Variants in CSGALNACT1 observed in about 807,000 individuals in gnomAD.
CSGALNACT1 encodes chondroitin sulfate N-acetylgalactosaminyltransferase 1.
In CSGALNACT1, 52 loss-of-function variants were observed where a neutral mutation model predicts 51.0. The ratio of observed to expected loss-of-function variants is 1.02; its 90% CI spans 0.82 to 1.29. The LOEUF (loss-of-function observed/expected upper bound fraction) is 1.29. Among genes scored for constraint, CSGALNACT1 ranks in the 50% most tolerant of loss-of-function variants. The probability of loss-of-function intolerance (pLI) is 0.00; values close to 1 mark genes in which losing one functional copy is unlikely to be tolerated. For missense variants in CSGALNACT1, 935 were observed against 679.2 expected (o/e 1.38, Z -4.19); for synonymous variants, 341 against 254.4 (o/e 1.34, Z -3.24).
rs547973350 is a variant in CSGALNACT1, at chr8:19,499,215, C to T, written c.634+5986G>A. ...TAGGAAGCCTGTCCTATACTCTGGG[C>T]TTGCGTAGATGCCCCTTTATTACAG... On this transcript the variant is annotated intron_variant, in intron 4 of 9. Transcript: ENST00000454498. Among the ~76,000 whole-genome samples, 161 of 152,352 alleles carry T rather than the reference C, an allele frequency of 1.1e-3. 2 individuals carry two copies. Among genetic ancestry groups the T allele is most frequent in the Non-Finnish European group, 2.0e-3 (135 of 68,038 alleles).
chr8:19,577,319 T>G (rs1383753850), intron 3 of CSGALNACT1, among the ~76,000 whole-genome samples: 1 of 151,272 alleles, frequency 6.6e-6, no homozygotes, highest in Admixed American at 6.6e-5. Context: ...TCCCAGCGCT[T>G]TGGGAGGTCA....
chr8:19,419,698 G>A (rs142350684), intron 7 of CSGALNACT1, among the ~76,000 whole-genome samples: 22 of 152,274 alleles, frequency 1.4e-4, no homozygotes, highest in African/African-American at 5.1e-4. Flanking sequence ...CTTTCTCCTG[G>A]GAATGTTCAT....
At chr8:19,523,892 C>T (rs2081191134) in intron 3 of CSGALNACT1, among the ~76,000 whole-genome samples, 2 of 152,160 alleles carry the variant, frequency 1.3e-5, no homozygotes, top group African/African-American at 2.4e-5. Flanking sequence ...GAAAGATCAT[C>T]TGTTTGGAAG....
At chr8:19,602,772 C>T (rs187328273), upstream of CSGALNACT1, 2 of 152,062 alleles carry the variant, frequency 1.3e-5, no homozygotes, top group Admixed American at 6.6e-5. Flanking sequence ...GAAAGAGGTG[C>T]AAGCAAAATA....
At chr8:19,541,802 TA>T (rs1023329527) in intron 3 of CSGALNACT1, among the ~76,000 whole-genome samples, 9 of 152,060 alleles carry the variant, frequency 5.9e-5, no homozygotes, top group African/African-American at 2.2e-4. Flanking sequence ...ATAAAACATG[TA>T]ATTCTTCAAT....
At position 19,620,719 on chromosome 8, in the gene CSGALNACT1, C is replaced by G. The variant is rs140669847; in HGVS notation, c.-543-18854G>C. On this transcript the variant is annotated intron_variant, in intron 1 of 9. Transcript: ENST00000332246. ...AAAGCACTGGGATTACAGGCATGAG[C>G]CACCATGCCCAACCCCTTTTTTAAA... 8.5e-5 allele frequency among the ~76,000 whole-genome samples: 13 copies of G among 152,310 alleles called. No homozygotes were observed. The East Asian group carries it at 2.3e-3, about 27-fold the overall frequency.
chr8:19,481,574 A>G (rs4921651), intron 4 of CSGALNACT1, among the ~76,000 whole-genome samples: 118,688 of 152,046 alleles, frequency 0.78, 46,574 homozygotes, highest in East Asian at 0.86. Flanking sequence ...CACACTTAAG[A>G]ACACCCTAGA....
chr8:19,753,426 C>A (rs2065165385), intron 1 of CSGALNACT1, among the ~76,000 whole-genome samples: 1 of 152,094 alleles, frequency 6.6e-6, no homozygotes, highest in Non-Finnish European at 1.5e-5. Context: ...TGATAATTTT[C>A]CAAACTCAGA....
chr8:19,528,543 T>G (rs2082155621), intron 3 of CSGALNACT1, among the ~76,000 whole-genome samples: 3 of 152,124 alleles, frequency 2.0e-5, no homozygotes, highest in African/African-American at 4.8e-5. Flanking sequence ...TTATCCTCAT[T>G]CTAGACCCCC....
intron 4 of CSGALNACT1, among the ~76,000 whole-genome samples, chr8:19,465,340 G>A (rs1477926302): frequency 6.6e-6 from 1 of 152,108 alleles, no homozygotes; most frequent in Non-Finnish European, 1.5e-5. Context: ...CCAGGGGCTG[G>A]GGAAGCAGGG....
At chr8:19,505,343 G>A (rs767033498) in exon 4 of CSGALNACT1, 1 of 1,614,150 alleles carries the variant, frequency 6.2e-7, no homozygotes, top group Non-Finnish European at 8.5e-7. Flanking sequence ...CGGGGTGGCG[G>A]GTAAGGCCAG....
chr8:19,424,056 C>T (rs1040087519), intron 6 of CSGALNACT1, among the ~76,000 whole-genome samples: 10 of 152,198 alleles, frequency 6.6e-5, no homozygotes, highest in African/African-American at 2.2e-4. Flanking sequence ...TTTCATCCAC[C>T]CTGATCAACA....
At chr8:19,645,421 G>C (rs550384980) in intron 1 of CSGALNACT1, among the ~76,000 whole-genome samples, 42 of 152,310 alleles carry the variant, frequency 2.8e-4, no homozygotes, top group African/African-American at 9.9e-4. Context: ...TGCTGTGGTG[G>C]AAATTGTCTA....
intron 3 of CSGALNACT1, among the ~76,000 whole-genome samples, chr8:19,565,745 G>A (rs185321653): frequency 4.0e-4 from 61 of 152,142 alleles, no homozygotes; most frequent in Middle Eastern, 3.4e-3. Flanking sequence ...ACGGTGAAAC[G>A]CTGTCTCTAC....
chr8:19,525,676 C>G (rs2081538626), intron 3 of CSGALNACT1, among the ~76,000 whole-genome samples: 1 of 113,426 alleles, frequency 8.8e-6, no homozygotes, highest in African/African-American at 3.5e-5. Flanking sequence ...GCCTTGTGCA[C>G]AAAGCTGGAA....
intron 1 of CSGALNACT1, among the ~76,000 whole-genome samples, chr8:19,699,796 G>T (rs1264053180): frequency 6.6e-6 from 1 of 152,170 alleles, no homozygotes; most frequent in African/African-American, 2.4e-5. Context: ...TTTATGTTCA[G>T]TGTATTTCAT....
chr8:19,569,906 A>G (rs891378602), intron 3 of CSGALNACT1, among the ~76,000 whole-genome samples: 1 of 152,242 alleles, frequency 6.6e-6, no homozygotes, highest in Non-Finnish European at 1.5e-5. Flanking sequence ...GCAGCCATAC[A>G]GATCAATCTC....
intron 1 of CSGALNACT1, among the ~76,000 whole-genome samples, chr8:19,728,950 G>A (rs184290150): frequency 6.4e-4 from 98 of 152,140 alleles, no homozygotes; most frequent in South Asian, 1.9e-3. Flanking sequence ...TTACAAATAT[G>A]TTACTAAACA....
At chr8:19,554,792 C>G (rs1160580477) in intron 3 of CSGALNACT1, among the ~76,000 whole-genome samples, 1 of 152,060 alleles carries the variant, frequency 6.6e-6, no homozygotes, top group Non-Finnish European at 1.5e-5. Flanking sequence ...GTGGCACACA[C>G]CTGTAGTCCC....
Sources: allele counts gnomAD v4.1 joint callset (sites outside exome capture counted in the v4.1 genomes callset), GRCh38; gene constraint gnomAD v4.1.1; transcripts MANE v1.5; gene names NCBI Gene and HGNC (gene_info 2026-07-23, HGNC 2026-07-21).